TSPAN18: variants seen among roughly 807,000 people sequenced by gnomAD.
The protein encoded by TSPAN18 is tetraspanin 18.
A neutral mutation model predicts 27.3 loss-of-function variants in TSPAN18; 14 were observed. That is an observed-to-expected ratio of 0.51 (90% CI 0.34 to 0.80). The LOEUF (loss-of-function observed/expected upper bound fraction) is 0.80, where lower values mean the gene tolerates loss of function less well. TSPAN18 is among the 30% of genes least tolerant of loss of function. TSPAN18 has a pLI of 0.01. For synonymous variants in TSPAN18, 143 were observed against 136.5 expected, an observed-to-expected ratio of 1.05 and a Z score of -0.33; for missense variants, 268 against 323.9, an observed-to-expected ratio of 0.83 and a Z score of 1.32.
intron 2 of TSPAN18, among the ~76,000 whole-genome samples, chr11:44,819,344 T>C (rs1183270883): frequency 2.0e-5 from 3 of 152,126 alleles, no homozygotes; most frequent in Admixed American, 6.5e-5. Flanking sequence ...GGAATAGATA[T>C]TGGGGACAGC....
chr11:44,810,643 C>T (rs1367395624), intron 2 of TSPAN18, among the ~76,000 whole-genome samples: 8 of 150,550 alleles, frequency 5.3e-5, no homozygotes, highest in Non-Finnish European at 1.0e-4. Context: ...ACTGTGCCAC[C>T]CAAGCTGGAG....
intron 2 of TSPAN18, among the ~76,000 whole-genome samples, chr11:44,830,978 T>C (rs977642471): frequency 2.6e-5 from 4 of 152,280 alleles, no homozygotes; most frequent in East Asian, 1.9e-4. Context: ...CCGGGCACAA[T>C]GGCAGGTGCC....
rs577957352 is a variant in TSPAN18 at position 44,828,897 on chromosome 11, C to T, written c.-152-31431C>T. ...TGAATCTACCCTCTTCTCTCCATCACGACCCTTGTGGAAGCCACCACTATC... is the reference window on the plus strand; with the variant it reads ...TGAATCTACCCTCTTCTCTCCATCATGACCCTTGTGGAAGCCACCACTATC... On this transcript the variant is annotated intron_variant, in intron 2 of 9. Coordinates refer to ENST00000520358, the MANE Select transcript of TSPAN18 (RefSeq NM_130783.5). 4.4e-3 allele frequency among the ~76,000 whole-genome samples: 666 copies of T among 152,266 alleles called. 5 individuals are homozygous for T. The highest frequency in any genetic ancestry group is 7.0e-3 in the Non-Finnish European group (478 of 68,022).
chr11:44,875,049 G>T (rs940861752), intron 3 of TSPAN18, among the ~76,000 whole-genome samples: 42 of 152,310 alleles, frequency 2.8e-4, no homozygotes, highest in Admixed American at 2.7e-3. Flanking sequence ...ATCTTCCCCA[G>T]GGCTGGAGCA....
chr11:44,874,751 A>G (rs538113734), intron 3 of TSPAN18, among the ~76,000 whole-genome samples: 3 of 152,288 alleles, frequency 2.0e-5, no homozygotes, highest in Admixed American at 1.3e-4. Context: ...CCAGTGGGGA[A>G]GCTGTGAGGA....
chr11:44,822,554 A>G (rs961060054), intron 2 of TSPAN18, among the ~76,000 whole-genome samples: 3 of 151,588 alleles, frequency 2.0e-5, no homozygotes, highest in Non-Finnish European at 2.9e-5. Flanking sequence ...CACTTCCACT[A>G]TCATTGGTGA....
chr11:44,891,782 G>C (rs1168990197), intron 3 of TSPAN18, among the ~76,000 whole-genome samples: 1 of 152,192 alleles, frequency 6.6e-6, no homozygotes, highest in African/African-American at 2.4e-5. Flanking sequence ...GCTGCTGGCT[G>C]ATCCCCCAGA....
At chr11:44,843,508 A>G (rs2135171059) in intron 2 of TSPAN18, among the ~76,000 whole-genome samples, 1 of 152,358 alleles carries the variant, frequency 6.6e-6, no homozygotes, top group Non-Finnish European at 1.5e-5. Flanking sequence ...CACCATTGTC[A>G]TTGATACCAT....
At chr11:44,742,658 C>T (rs1431867150) in intron 1 of TSPAN18, among the ~76,000 whole-genome samples, 1 of 151,938 alleles carries the variant, frequency 6.6e-6, no homozygotes, top group Non-Finnish European at 1.5e-5. Flanking sequence ...GTCCCTCTCT[C>T]AGAGGCCAGT....
intron 1 of TSPAN18, among the ~76,000 whole-genome samples, chr11:44,729,700 G>A (rs1218614418): frequency 1.3e-5 from 2 of 152,150 alleles, no homozygotes; most frequent in East Asian, 3.9e-4. Context: ...GCCGAAGTTA[G>A]TTGGGTTTAG....
intron 8 of TSPAN18, among the ~76,000 whole-genome samples, chr11:44,923,283 G>T (rs557695953): frequency 6.6e-6 from 1 of 152,134 alleles, no homozygotes; most frequent in Non-Finnish European, 1.5e-5. Context: ...ATCAGATTAG[G>T]TGGGTGGTGA....
intron 5 of TSPAN18, among the ~76,000 whole-genome samples, chr11:44,913,901 G>A (rs1859813199): frequency 6.6e-6 from 1 of 152,266 alleles, no homozygotes; most frequent in Non-Finnish European, 1.5e-5. Context: ...TTCCCCAAAG[G>A]ACTTTAACAC....
In TSPAN18 at chr11:44,808,697, C is replaced by T. The variant is rs531871355; in HGVS notation, c.-153+44185C>T. The stretch of plus-strand genomic sequence containing the variant: ...GGGCCTGGCAGCTGTGTGGAGAAAA[C>T]GATATAATTTAACGTTTCTTGGAAA... On this transcript the variant is annotated intron_variant, in intron 2 of 9. Coordinates refer to ENST00000520358, the MANE Select transcript of TSPAN18 (RefSeq NM_130783.5). Among the ~76,000 whole-genome samples the T allele has an allele frequency of 1.1e-4, 16 of 152,214 alleles. 1 individual carries two copies. Among genetic ancestry groups the T allele is most frequent in the African/African-American group, 3.4e-4 (14 of 41,542 alleles).
chr11:44,815,731 G>C (rs145223797), intron 2 of TSPAN18, among the ~76,000 whole-genome samples: 1 of 152,154 alleles, frequency 6.6e-6, no homozygotes, highest in Non-Finnish European at 1.5e-5. Flanking sequence ...TGGAGGAGTA[G>C]GGAGGGTGCG....
At chr11:44,890,704 C>T (rs564788489) in intron 3 of TSPAN18, among the ~76,000 whole-genome samples, 3 of 141,166 alleles carry the variant, frequency 2.1e-5, no homozygotes, top group South Asian at 4.4e-4. Flanking sequence ...GATCACGCCA[C>T]TGCACTCCAG....
Position 44,776,685 on chromosome 11 carries a change from C to T in TSPAN18, c.-153+12173C>T, listed in dbSNP as rs542047379. Among the ~76,000 whole-genome samples, 3 of 152,262 alleles carry T rather than the reference C, an allele frequency of 2.0e-5. No individual in the cohort carries two copies. In the South Asian group the frequency reaches 6.2e-4, roughly 32 times the overall value. On this transcript the variant is annotated intron_variant, in intron 2 of 9. Coordinates refer to ENST00000520358, the MANE Select transcript of TSPAN18 (RefSeq NM_130783.5). Reference sequence around the variant, plus strand: ...AGCCCTGTCTCTGCCCCCGACTCTCCGTGTGACTACAGTCTGGGCCTCAGT... The same window carrying T: ...AGCCCTGTCTCTGCCCCCGACTCTCTGTGTGACTACAGTCTGGGCCTCAGT...
intron 1 of TSPAN18, among the ~76,000 whole-genome samples, chr11:44,758,201 A>G (rs1855375823): frequency 6.6e-6 from 1 of 152,178 alleles, no homozygotes; most frequent in South Asian, 2.1e-4. Flanking sequence ...TTTTTCATAT[A>G]TGACTTTTAC....
chr11:44,804,208 A>G (rs1856543830), intron 2 of TSPAN18, among the ~76,000 whole-genome samples: 1 of 151,986 alleles, frequency 6.6e-6, no homozygotes, highest in African/African-American at 2.4e-5. Context: ...GGTTCAAGCG[A>G]TTCTCCTGCC....
At chr11:44,893,866 T>G (rs1406690503) in intron 3 of TSPAN18, among the ~76,000 whole-genome samples, 1 of 152,186 alleles carries the variant, frequency 6.6e-6, no homozygotes, top group Non-Finnish European at 1.5e-5. Flanking sequence ...CCTCCCTGAT[T>G]CTAGGCTCTC....
Sources: gnomAD v4.1 joint callset for allele counts (sites outside exome capture counted in the v4.1 genomes callset) on GRCh38, gnomAD v4.1.1 for gene constraint, MANE v1.5 for transcripts, NCBI Gene and HGNC (gene_info 2026-07-23, HGNC 2026-07-21) for gene names.